Variants in UCK2 observed in about 807,000 individuals in gnomAD.
The protein encoded by UCK2 is cytidine monophosphokinase 2.
UCK2 carries 6 observed loss-of-function variants against 30.8 expected under a neutral mutation model. That is an observed-to-expected ratio of 0.19 (90% CI 0.11 to 0.38). The LOEUF is 0.38. Ranked by LOEUF, UCK2 falls within the 10% of genes least tolerant of loss-of-function variation. The probability of loss-of-function intolerance (pLI) is 1.00; values close to 1 mark genes in which losing one functional copy is unlikely to be tolerated. For missense variants in UCK2, 210 were observed against 339.8 expected (o/e 0.62, Z 3.00); for synonymous variants, 125 against 133.6 (o/e 0.94, Z 0.45).
intron 1 of UCK2, among the ~76,000 whole-genome samples, chr1:165,839,040 T>G (rs1045265326): frequency 1.5e-4 from 23 of 152,106 alleles, no homozygotes; most frequent in Middle Eastern, 6.8e-3. Context: ...AGAGCAAGAC[T>G]TCGTCTCAAA....
intron 1 of UCK2, among the ~76,000 whole-genome samples, chr1:165,862,635 C>T (rs1654948373): frequency 6.6e-6 from 1 of 152,226 alleles, no homozygotes; most frequent in South Asian, 2.1e-4. Context: ...AGTAGTACAT[C>T]AGGTGGCAGC....
intron 1 of UCK2, among the ~76,000 whole-genome samples, chr1:165,851,251 A>C (rs374104528): frequency 6.6e-6 from 1 of 152,300 alleles, no homozygotes; most frequent in Admixed American, 6.5e-5. Flanking sequence ...GCACATTGTC[A>C]TGATGGTTTT....
intron 4 of UCK2, among the ~76,000 whole-genome samples, chr1:165,901,502 TC>T: frequency 6.6e-6 from 1 of 152,188 alleles, no homozygotes; most frequent in African/African-American, 2.4e-5. Flanking sequence ...TTTCAGAAGT[TC>T]CGTCACAGAT....
intron 1 of UCK2, among the ~76,000 whole-genome samples, chr1:165,831,004 A>C (rs1026314910): frequency 4.6e-5 from 7 of 152,174 alleles, no homozygotes; most frequent in Non-Finnish European, 8.8e-5. Context: ...GCAGGTCTAG[A>C]GGCTGAGGTG....
In UCK2 at chr1:165,909,582, C is replaced by A. The variant is rs903791272; in HGVS notation, c.*1759C>A. 1.3e-5 allele frequency: 2 copies of A among 152,226 alleles called. No individual in the cohort carries two copies. Among genetic ancestry groups the A allele is most frequent in the Non-Finnish European group, 2.9e-5 (2 of 68,050 alleles). The allele number at this position is 152,226 out of a possible 1,614,324, so 9.4% of individuals were successfully genotyped here. ...ACCTGGTCCCCAGCAGAGCTTGCCA[C>A]CCGGAGACTTTCAGGAGACCGTGCA... On this transcript the variant is annotated 3_prime_UTR_variant, in exon 7 of 7. Transcript: ENST00000367879.
rs763547967 is a variant in UCK2 at position 165,890,191 on chromosome 1, T to C, written c.100-13T>C. 7 of 1,613,818 alleles carry C rather than the reference T, an allele frequency of 4.3e-6. No individual in the cohort carries two copies. The Admixed American group carries it at 1.2e-4, about 27-fold the overall frequency. On this transcript the variant is annotated splice_polypyrimidine_tract_variant and intron_variant, in intron 1 of 6. Coordinates refer to ENST00000367879, the MANE Select transcript of UCK2 (RefSeq NM_012474.5). ...TTTCTCTTATTCCTGGGTGCTCTCTTCTCTCCTCACAGTCTTCCGTGTGTG... is the reference window on the plus strand; with the variant it reads ...TTTCTCTTATTCCTGGGTGCTCTCTCCTCTCCTCACAGTCTTCCGTGTGTG...
intron 4 of UCK2, among the ~76,000 whole-genome samples, chr1:165,901,294 G>T (rs1647454019): frequency 1.3e-5 from 2 of 152,190 alleles, no homozygotes; most frequent in African/African-American, 4.8e-5. Flanking sequence ...TCGAGGAGCT[G>T]TTACAAAAGT....
intron 1 of UCK2, among the ~76,000 whole-genome samples, chr1:165,884,889 A>G (rs1049218026): frequency 3.9e-5 from 6 of 152,210 alleles, no homozygotes; most frequent in Non-Finnish European, 8.8e-5. Flanking sequence ...TCTCTGCTAA[A>G]GGAGTTCATT....
intron 1 of UCK2, among the ~76,000 whole-genome samples, chr1:165,870,201 ATTTTT>A (rs11336105): frequency 2.1e-5 from 2 of 94,708 alleles, no homozygotes; most frequent in Non-Finnish European, 4.4e-5. Flanking sequence ...GTCTAACTTC[ATTTTT>A]TTTTTTTTTT....
chr1:165,830,320 T>G (rs919805841), intron 1 of UCK2, among the ~76,000 whole-genome samples: 5 of 116,290 alleles, frequency 4.3e-5, no homozygotes, highest in Non-Finnish European at 8.3e-5. Flanking sequence ...TAATCTTTAT[T>G]TTTTTTATTA....
At chr1:165,900,929 T>G (rs1647438223) in intron 4 of UCK2, among the ~76,000 whole-genome samples, 1 of 152,176 alleles carries the variant, frequency 6.6e-6, no homozygotes, top group African/African-American at 2.4e-5. Context: ...ACCCTTTTGA[T>G]CTGGTTTCCT....
chr1:165,890,478 G>A (rs1655738705), intron 2 of UCK2, 115 bp downstream of exon 2: 3 of 1,045,510 alleles, frequency 2.9e-6, no homozygotes, highest in South Asian at 3.1e-5. Flanking sequence ...TATCTAGAAC[G>A]TAGGGACTTG....
intron 1 of UCK2, among the ~76,000 whole-genome samples, chr1:165,853,356 A>T (rs1007560328): frequency 1.3e-5 from 2 of 149,834 alleles, no homozygotes; most frequent in African/African-American, 4.9e-5. Flanking sequence ...CATATTTGAT[A>T]TTTTTTTTTT....
chr1:165,898,994 A>G (rs2101885974), intron 4 of UCK2, among the ~76,000 whole-genome samples: 1 of 152,326 alleles, frequency 6.6e-6, no homozygotes, highest in Non-Finnish European at 1.5e-5. Context: ...AGGACAAAAA[A>G]CATGCTTGGC....
At chr1:165,831,174 G>A (rs1654036950) in intron 1 of UCK2, among the ~76,000 whole-genome samples, 1 of 152,098 alleles carries the variant, frequency 6.6e-6, no homozygotes, top group Non-Finnish European at 1.5e-5. Context: ...CACTTTGGGA[G>A]GCCAAGGAAG....
intron 1 of UCK2, among the ~76,000 whole-genome samples, chr1:165,845,813 G>A (rs966734051): frequency 1.1e-4 from 17 of 152,138 alleles, no homozygotes; most frequent in African/African-American, 4.1e-4. Flanking sequence ...TACTATAGGA[G>A]TGTGCCACCA....
At chr1:165,883,502 G>T (rs1171796741) in intron 1 of UCK2, among the ~76,000 whole-genome samples, 1 of 152,184 alleles carries the variant, frequency 6.6e-6, no homozygotes, top group African/African-American at 2.4e-5. Context: ...TAAAAACTTA[G>T]TCACACTATT....
At chr1:165,881,149 G>T (rs1438760805) in intron 1 of UCK2, among the ~76,000 whole-genome samples, 1 of 147,438 alleles carries the variant, frequency 6.8e-6, no homozygotes, top group African/African-American at 2.5e-5. Context: ...CTCCAGCCTG[G>T]GCGACAGAGT....
At chr1:165,904,690 G>A (rs1340787932) in intron 5 of UCK2, among the ~76,000 whole-genome samples, 1 of 152,202 alleles carries the variant, frequency 6.6e-6, no homozygotes, top group African/African-American at 2.4e-5. Flanking sequence ...CCTGATAAAT[G>A]TCTGCTCAGT....
Sources: gnomAD v4.1 joint callset for allele counts (sites outside exome capture counted in the v4.1 genomes callset) on GRCh38, gnomAD v4.1.1 for gene constraint, MANE v1.5 for transcripts, NCBI Gene and HGNC (gene_info 2026-07-23, HGNC 2026-07-21) for gene names.